PLAC9: variants seen among roughly 807,000 people sequenced by gnomAD.
The protein encoded by PLAC9 is placenta-specific protein 9.
In PLAC9, 12 loss-of-function variants were observed where a neutral mutation model predicts 11.5. The observed-to-expected ratio is 1.05, with a 90% CI of 0.67 to 1.69. The LOEUF is 1.69. Among genes scored for constraint, PLAC9 ranks in the 40% most tolerant of loss-of-function variants. The pLI, the probability that PLAC9 is intolerant of heterozygous loss-of-function variation, is 0.00. For missense variants in PLAC9, 132 were observed against 130.5 expected, an observed-to-expected ratio of 1.01 and a Z score of -0.06; for synonymous variants, 62 against 58.1, an observed-to-expected ratio of 1.07 and a Z score of -0.31.
chr10:80,144,385 T>A, intron 3 of PLAC9, 42 bp downstream of exon 3: 3 of 1,541,528 alleles, frequency 1.9e-6, no homozygotes, highest in Middle Eastern at 3.5e-4. Context: ...TGGGCGGCTG[T>A]CATCTGGCGC....
chr10:80,143,547 C>A (rs1291879482), intron 2 of PLAC9, among the ~76,000 whole-genome samples: 1 of 150,688 alleles, frequency 6.6e-6, no homozygotes, highest in African/African-American at 2.4e-5. Context: ...CAGACGCGCA[C>A]CACCATGCCC....
At chr10:80,139,484 T>C (rs1335196930) in intron 1 of PLAC9, among the ~76,000 whole-genome samples, 1 of 152,204 alleles carries the variant, frequency 6.6e-6, no homozygotes, top group Non-Finnish European at 1.5e-5. Context: ...CATCCAGCCA[T>C]CTGTCTTTGC....
rs11201834 is a variant in PLAC9, at chr10:80,135,712, C to T, written c.64+2886C>T. On this transcript the variant is annotated intron_variant, in intron 1 of 3. Transcript: ENST00000372263. ...TGGCTTTTTAGACCATGAGCCACCA[C>T]GCCCGGCCCATATTTTGGAGTTTTT... Among the ~76,000 whole-genome samples, 216 of 152,214 alleles carry T rather than the reference C, an allele frequency of 1.4e-3. 1 individual carries two copies. Among genetic ancestry groups the T allele is most frequent in the African/African-American group, 4.9e-3 (205 of 41,536 alleles).
Position 80,142,284 on chromosome 10 carries a change from C to G in PLAC9, c.162+105C>G, listed in dbSNP as rs567218570. 9.8e-6 allele frequency: 9 copies of G among 922,638 alleles called. No homozygotes were observed. The East Asian group carries it at 2.1e-4, about 21-fold the overall frequency. The allele number at this position is 922,638 out of a possible 1,614,324, so 57.2% of individuals were successfully genotyped here. Reference sequence around the variant, plus strand: ...CTTTGGAATGTGAGGACATCCGGGCCGATCCTGCCCTGTGGCCACCTCGTC... The same window carrying G: ...CTTTGGAATGTGAGGACATCCGGGCGGATCCTGCCCTGTGGCCACCTCGTC... On this transcript the variant is annotated intron_variant, in intron 2 of 3. Coordinates refer to ENST00000372263, the MANE Select transcript of PLAC9 (RefSeq NM_001012973.3).
At chr10:80,136,591 CT>C (rs1403562664) in intron 1 of PLAC9, among the ~76,000 whole-genome samples, 2 of 152,174 alleles carry the variant, frequency 1.3e-5, no homozygotes, top group African/African-American at 2.4e-5. Context: ...CCCGCCTCAG[CT>C]TTCCAAATAC....
intron 2 of PLAC9, among the ~76,000 whole-genome samples, chr10:80,143,830 A>C (rs1384431065): frequency 6.6e-6 from 1 of 152,212 alleles, no homozygotes; most frequent in Non-Finnish European, 1.5e-5. Flanking sequence ...CATGGCATAC[A>C]CAGGGAAAAA....
upstream of PLAC9, chr10:80,131,846 G>A (rs1844916913): frequency 6.6e-6 from 1 of 152,250 alleles, no homozygotes; most frequent in African/African-American, 2.4e-5. Flanking sequence ...TCCCAACGGG[G>A]ACCCTTGATG....
chr10:80,137,430 G>A (rs1844991774), intron 1 of PLAC9, among the ~76,000 whole-genome samples: 1 of 152,214 alleles, frequency 6.6e-6, no homozygotes, highest in South Asian at 2.1e-4. Context: ...GAGAGGGCAG[G>A]TGAGCCTCAG....
In PLAC9 at chr10:80,136,086, G is replaced by A. The variant is rs139001843; in HGVS notation, c.64+3260G>A. Among the ~76,000 whole-genome samples, 34 of 152,302 alleles carry A rather than the reference G, an allele frequency of 2.2e-4. No homozygotes were observed. The East Asian group carries it at 5.8e-3, about 26-fold the overall frequency. Reference sequence around the variant, plus strand: ...ATAAGGCCTGTAAGTAGAAGCACCCGTACTTCCGCCTCAGAGGATGGGACC... The same window carrying A: ...ATAAGGCCTGTAAGTAGAAGCACCCATACTTCCGCCTCAGAGGATGGGACC... On this transcript the variant is annotated intron_variant, in intron 1 of 3. Coordinates refer to ENST00000372263, the MANE Select transcript of PLAC9 (RefSeq NM_001012973.3).
intron 1 of PLAC9, among the ~76,000 whole-genome samples, chr10:80,137,521 C>T (rs1012093288): frequency 1.3e-5 from 2 of 152,192 alleles, no homozygotes; most frequent in African/African-American, 4.8e-5. Context: ...ACAGGCCCTC[C>T]CCTAGGACGG....
intron 1 of PLAC9, among the ~76,000 whole-genome samples, chr10:80,138,357 A>C (rs3851051): frequency 0.14 from 21,914 of 152,166 alleles, 2,842 homozygotes; most frequent in African/African-American, 0.35. Flanking sequence ...AAATACTTGC[A>C]TTAAAAAAAT....
chr10:80,132,277 G>A (rs1844920907), upstream of PLAC9, among the ~76,000 whole-genome samples: 1 of 152,106 alleles, frequency 6.6e-6, no homozygotes. Context: ...TTTCTTGTTC[G>A]TAGGTAGACA....
intron 1 of PLAC9, among the ~76,000 whole-genome samples, chr10:80,133,715 C>A (rs991972012): frequency 6.6e-6 from 1 of 152,150 alleles, no homozygotes. Flanking sequence ...ACCCCTCAGG[C>A]GGGCGGATCA....
chr10:80,139,373 G>A (rs1427886918), intron 1 of PLAC9, among the ~76,000 whole-genome samples: 3 of 152,170 alleles, frequency 2.0e-5, no homozygotes, highest in African/African-American at 7.2e-5. Context: ...CCTCATCCCA[G>A]CTGGATTCCA....
Position 80,132,743 on chromosome 10 carries a change from C to T in PLAC9, c.-20C>T. On this transcript the variant is annotated 5_prime_UTR_variant, in exon 1 of 4. Transcript: ENST00000372263. ...GCGGCTGCGGGCAGACGCGGCGCTG[C>T]GCTCGGCCAGGCCGGCACCATGCGG... 6.9e-7 allele frequency: 1 copy of T among 1,451,290 alleles called. No individual in the cohort carries two copies. The highest frequency in any genetic ancestry group is 2.6e-5 in the Admixed American group (1 of 37,752). 89.9% of individuals were successfully genotyped at this position (1,451,290 alleles called of 1,614,324 possible). A position where few individuals can be genotyped will look rare whatever the true frequency, so the allele number is the denominator to read the frequency against.
chr10:80,137,690 G>A (rs1488246810), intron 1 of PLAC9, among the ~76,000 whole-genome samples: 37 of 152,104 alleles, frequency 2.4e-4, no homozygotes, highest in African/African-American at 1.9e-4. Flanking sequence ...CGAGACAGGC[G>A]GATCACTTAA....
chr10:80,132,140 G>A (rs1844919405), upstream of PLAC9, among the ~76,000 whole-genome samples: 2 of 151,816 alleles, frequency 1.3e-5, no homozygotes, highest in Non-Finnish European at 2.9e-5. Context: ...ATATCTTTGC[G>A]AGAGTTACGA....
intron 1 of PLAC9, 42 bp downstream of exon 1, chr10:80,132,868 G>T: frequency 1.4e-6 from 2 of 1,439,246 alleles, no homozygotes; most frequent in South Asian, 2.7e-5. Flanking sequence ...TGGAGCCGGG[G>T]AGACCCGCAG....
upstream of PLAC9, chr10:80,132,723 T>C (rs1336437907): frequency 2.2e-5 from 32 of 1,433,902 alleles, 1 homozygote; most frequent in Admixed American, 2.9e-5. Flanking sequence ...GAAGGGCGGC[T>C]GCGGGCAGAC....
Sources: allele counts gnomAD v4.1 joint callset (sites outside exome capture counted in the v4.1 genomes callset), GRCh38; gene constraint gnomAD v4.1.1; transcripts MANE v1.5; gene names NCBI Gene and HGNC (gene_info 2026-07-23, HGNC 2026-07-21).